The following ZFHX3 variants were observed in gnomAD, a reference collection of about 807,000 sequenced individuals.
ZFHX3 encodes the protein zinc finger homeobox protein 3.
Under a neutral mutation model 279.1 loss-of-function variants are expected in ZFHX3, and 42 were observed. The ratio of observed to expected loss-of-function variants is 0.15; its 90% CI spans 0.12 to 0.19. The LOEUF (loss-of-function observed/expected upper bound fraction) is 0.19. Ranked by LOEUF, ZFHX3 falls within the 10% of genes least tolerant of loss-of-function variation. The pLI is 1.00. For missense variants in ZFHX3, 4,981 were observed against 4,754.0 expected, an observed-to-expected ratio of 1.05 and a Z score of -1.40; for synonymous variants, 2,293 against 1,957.8, an observed-to-expected ratio of 1.17 and a Z score of -4.52.
exon 7 of ZFHX3, chr16:73,131,046 C>T: frequency 8.1e-7 from 1 of 1,228,376 alleles, no homozygotes; most frequent in Non-Finnish European, 1.1e-6. Context: ...AATCCAGGTC[C>T]TGTCCCTTGC....
intron 1 of ZFHX3, among the ~76,000 whole-genome samples, chr16:73,790,223 T>C (rs1959781545): frequency 6.6e-6 from 1 of 151,486 alleles, no homozygotes; most frequent in Admixed American, 6.6e-5. Context: ...TCCTGGATCT[T>C]ACAGGGATCT....
At chr16:73,278,541 G>C (rs954312242) in intron 4 of ZFHX3, among the ~76,000 whole-genome samples, 4 of 152,212 alleles carry the variant, frequency 2.6e-5, no homozygotes, top group African/African-American at 9.6e-5. Context: ...AAGAGCAAAA[G>C]AACAAAGCTT....
At chr16:73,666,927 G>A (rs1443799901) in intron 2 of ZFHX3, among the ~76,000 whole-genome samples, 1 of 151,924 alleles carries the variant, frequency 6.6e-6, no homozygotes, top group Non-Finnish European at 1.5e-5. Context: ...CCACGTTATT[G>A]AGTTTATCAG....
In ZFHX3 at chr16:72,798,355, C is replaced by A. The variant is rs769888355; in HGVS notation, c.4327G>T (p.Ala1443Ser). The change falls in exon 9 of 10, where the codon GCT becomes TCT. Residue 1443 changes from alanine to serine, a missense_variant. Coordinates refer to ENST00000268489, the MANE Select transcript of ZFHX3 (RefSeq NM_006885.4). ...CTTGTCTCAAGGTGCTTCTTCAGAG[C>A]CTGGAAAGTTCGGAAACTGCGCTGA... ...LCQRSFRTFQALKKHLETSHL... is the reference protein window; with the variant it reads ...LCQRSFRTFQSLKKHLETSHL... 1 of 1,614,198 alleles carries A rather than the reference C, an allele frequency of 6.2e-7. No homozygotes were observed. The highest frequency in any genetic ancestry group is 8.5e-7 in the Non-Finnish European group (1 of 1,180,052).
chr16:73,112,540 C>A (rs1040025396), intron 7 of ZFHX3, among the ~76,000 whole-genome samples: 2 of 151,586 alleles, frequency 1.3e-5, no homozygotes, highest in African/African-American at 4.9e-5. Flanking sequence ...TGGTGAAACC[C>A]TGTCTCTACT....
At chr16:73,446,604 G>A (rs2018189925) in intron 3 of ZFHX3, among the ~76,000 whole-genome samples, 1 of 152,096 alleles carries the variant, frequency 6.6e-6, no homozygotes, top group Admixed American at 6.5e-5. Context: ...GACCATATCA[G>A]CCATTATCCT....
At chr16:73,818,309 C>A (rs1322896865) in intron 1 of ZFHX3, among the ~76,000 whole-genome samples, 1 of 152,110 alleles carries the variant, frequency 6.6e-6, no homozygotes, top group Non-Finnish European at 1.5e-5. Context: ...GAAAACCTGG[C>A]AATAGGATTT....
At chr16:73,337,002 A>T (rs1425647508) in intron 3 of ZFHX3, among the ~76,000 whole-genome samples, 2 of 152,140 alleles carry the variant, frequency 1.3e-5, no homozygotes, top group Non-Finnish European at 1.5e-5. Flanking sequence ...TCCTGGTCTG[A>T]CCACCACTTC....
At chr16:73,145,270 GC>G (rs1489282911) in intron 5 of ZFHX3, among the ~76,000 whole-genome samples, 4 of 152,214 alleles carry the variant, frequency 2.6e-5, no homozygotes, top group Non-Finnish European at 5.9e-5. Flanking sequence ...AGCAGGTCGG[GC>G]CACCTCACAT....
intron 2 of ZFHX3, among the ~76,000 whole-genome samples, chr16:73,562,518 C>T (rs2020385869): frequency 6.7e-6 from 1 of 149,330 alleles, no homozygotes. Flanking sequence ...ATGGCGTGAA[C>T]CTGGGAGGCG....
At chr16:73,865,674 C>T (rs1006669101) in intron 1 of ZFHX3, among the ~76,000 whole-genome samples, 5 of 152,128 alleles carry the variant, frequency 3.3e-5, no homozygotes, top group Non-Finnish European at 4.4e-5. Context: ...AGCATCCAGT[C>T]ATCTGTTAAA....
chr16:72,855,797 T>C (rs1370937784), intron 4 of ZFHX3, among the ~76,000 whole-genome samples: 1 of 152,006 alleles, frequency 6.6e-6, no homozygotes, highest in Admixed American at 6.6e-5. Context: ...CTCATTGCAA[T>C]AGGAAATCAG....
chr16:73,830,206 G>A, intron 1 of ZFHX3, among the ~76,000 whole-genome samples: 1 of 135,994 alleles, frequency 7.4e-6, no homozygotes, highest in Non-Finnish European at 1.6e-5. Context: ...ACTCGGAAAG[G>A]GAACTCCCTG....
chr16:72,946,450 T>C (rs1960681568), intron 3 of ZFHX3, among the ~76,000 whole-genome samples: 3 of 152,208 alleles, frequency 2.0e-5, no homozygotes, highest in African/African-American at 7.2e-5. Flanking sequence ...TCTTAATCTA[T>C]CTGCTAAAGT....
intron 2 of ZFHX3, among the ~76,000 whole-genome samples, chr16:73,584,415 T>C (rs186957747): frequency 2.0e-5 from 3 of 152,264 alleles, no homozygotes; most frequent in South Asian, 2.1e-4. Context: ...GAGAAACAGA[T>C]AGACAGCTGA....
intron 1 of ZFHX3, among the ~76,000 whole-genome samples, chr16:73,810,152 C>T (rs563441524): frequency 4.6e-5 from 7 of 152,248 alleles, no homozygotes; most frequent in African/African-American, 9.6e-5. Context: ...ACAGCCACCC[C>T]GCCACCTCCA....
At chr16:72,863,178 G>C (rs371684808) in intron 4 of ZFHX3, among the ~76,000 whole-genome samples, 20 of 151,616 alleles carry the variant, frequency 1.3e-4, no homozygotes, top group African/African-American at 4.6e-4. Flanking sequence ...TAATTTTTAG[G>C]GGTCTGATAT....
At chr16:73,250,032 T>C (rs2013434928) in intron 5 of ZFHX3, among the ~76,000 whole-genome samples, 1 of 152,194 alleles carries the variant, frequency 6.6e-6, no homozygotes, top group Admixed American at 6.5e-5. Flanking sequence ...ACTTCAGTGT[T>C]GTCTATGTAA....
chr16:72,948,033 G>T (rs1354185329), intron 3 of ZFHX3, among the ~76,000 whole-genome samples: 2 of 152,218 alleles, frequency 1.3e-5, no homozygotes, highest in Admixed American at 1.3e-4. Flanking sequence ...GGCAAGAGAA[G>T]TTTGATCTTA....
Sources: gnomAD v4.1 joint callset for allele counts (sites outside exome capture counted in the v4.1 genomes callset) on GRCh38, gnomAD v4.1.1 for gene constraint, MANE v1.5 for transcripts, NCBI Gene and HGNC (gene_info 2026-07-23, HGNC 2026-07-21) for gene names.